MAML2: variants seen among roughly 807,000 people sequenced by gnomAD.
The protein encoded by MAML2 is mastermind like transcriptional coactivator 2, also known as mastermind-like protein 2.
Under a neutral mutation model 96.1 loss-of-function variants are expected in MAML2, and 22 were observed. That is an observed-to-expected ratio of 0.23 (90% confidence interval 0.16 to 0.33). The LOEUF (loss-of-function observed/expected upper bound fraction) is 0.33, where lower values mean the gene tolerates loss of function less well. MAML2 is among the 10% of genes least tolerant of loss of function. The pLI, the probability that MAML2 is intolerant of heterozygous loss-of-function variation, is 1.00. For missense variants in MAML2, 1,367 were observed against 1,392.4 expected, an observed-to-expected ratio of 0.98 and a Z score of 0.29; for synonymous variants, 561 against 521.3, an observed-to-expected ratio of 1.08 and a Z score of -1.04.
intron 1 of MAML2, among the ~76,000 whole-genome samples, chr11:96,241,023 C>T (rs992597898): frequency 6.6e-6 from 1 of 152,154 alleles, no homozygotes; most frequent in African/African-American, 2.4e-5. Context: ...ATTTCTTCTG[C>T]TATTTTTCCA....
At chr11:96,309,713 T>C (rs1863511303) in intron 1 of MAML2, among the ~76,000 whole-genome samples, 2 of 150,210 alleles carry the variant, frequency 1.3e-5, no homozygotes, top group Admixed American at 6.6e-5. Flanking sequence ...TTTTTTTTTT[T>C]CTGAGACAGG....
intron 2 of MAML2, among the ~76,000 whole-genome samples, chr11:96,025,053 T>C (rs1024061570): frequency 1.3e-5 from 2 of 152,162 alleles, no homozygotes; most frequent in Non-Finnish European, 2.9e-5. Context: ...ACTGTGTATA[T>C]ACCCAAAAGA....
intron 1 of MAML2, among the ~76,000 whole-genome samples, chr11:96,217,251 G>A (rs1277325596): frequency 6.6e-6 from 1 of 152,188 alleles, no homozygotes; most frequent in East Asian, 1.9e-4. Flanking sequence ...TGCAGTGAAG[G>A]AAAGTGAGAA....
Position 96,226,895 on chromosome 11 carries a change from AAAAC to A in MAML2, c.513+114484_513+114487del, listed in dbSNP as rs535129290. Reference sequence around the variant, plus strand: ...TAAATTTGTCAGATAAAATTAGCAGAAAACAAACAAATCAAAACTGCATAAAATA... The same window carrying A: ...TAAATTTGTCAGATAAAATTAGCAGAAAACAAATCAAAACTGCATAAAATA... On this transcript the variant is annotated intron_variant, in intron 1 of 4. Transcript: ENST00000524717. 3.1e-3 allele frequency among the ~76,000 whole-genome samples: 467 copies of A among 152,364 alleles called. 2 individuals carry two copies. The highest frequency in any genetic ancestry group is 9.9e-3 in the African/African-American group (410 of 41,588).
chr11:96,140,667 T>C (rs887847668), intron 1 of MAML2, among the ~76,000 whole-genome samples: 8 of 152,166 alleles, frequency 5.3e-5, no homozygotes, highest in African/African-American at 1.7e-4. Flanking sequence ...ACTCTCTCCA[T>C]CGTTCAGTAG....
intron 1 of MAML2, among the ~76,000 whole-genome samples, chr11:96,202,533 G>A (rs1246207184): frequency 6.6e-6 from 1 of 152,132 alleles, no homozygotes; most frequent in Non-Finnish European, 1.5e-5. Flanking sequence ...TTAGGAGAAT[G>A]AAGGTTAGTA....
chr11:96,150,655 A>C (rs1001927382), intron 1 of MAML2, among the ~76,000 whole-genome samples: 1 of 152,116 alleles, frequency 6.6e-6, no homozygotes, highest in African/African-American at 2.4e-5. Context: ...GTCATTAATG[A>C]GCGACCCATT....
At chr11:96,069,033 T>C (rs990696461) in intron 2 of MAML2, among the ~76,000 whole-genome samples, 28 of 150,982 alleles carry the variant, frequency 1.9e-4, no homozygotes, top group Non-Finnish European at 8.9e-5. Flanking sequence ...GTGATCCTCC[T>C]GTCTCAGCTT....
At chr11:96,179,938 C>T (rs1013338488) in intron 1 of MAML2, among the ~76,000 whole-genome samples, 1 of 152,198 alleles carries the variant, frequency 6.6e-6, no homozygotes, top group African/African-American at 2.4e-5. Context: ...GCCACAAGGG[C>T]TCCAGACAGG....
intron 2 of MAML2, among the ~76,000 whole-genome samples, chr11:96,088,991 A>AAG (rs1468692947): frequency 6.6e-6 from 1 of 152,138 alleles, no homozygotes; most frequent in Non-Finnish European, 1.5e-5. Flanking sequence ...CATCAGGCTA[A>AAG]AGAGCTTCAA....
chr11:96,159,783 G>C (rs76171444), intron 1 of MAML2, among the ~76,000 whole-genome samples: 3,834 of 152,190 alleles, frequency 0.025, 158 homozygotes, highest in African/African-American at 0.087. Flanking sequence ...CTAAAGTACA[G>C]CTTACGCTGC....
At chr11:96,255,972 C>A (rs1862661944) in intron 1 of MAML2, among the ~76,000 whole-genome samples, 1 of 145,600 alleles carries the variant, frequency 6.9e-6, no homozygotes, top group Non-Finnish European at 1.5e-5. Context: ...CTCCCGGGTT[C>A]AAGCGATTCT....
intron 2 of MAML2, among the ~76,000 whole-genome samples, chr11:95,993,475 G>A (rs1857946369): frequency 6.6e-6 from 1 of 152,134 alleles, no homozygotes; most frequent in Non-Finnish European, 1.5e-5. Context: ...GGAGGCTGAG[G>A]CATGAGAATC....
chr11:96,260,795 CAAAA>C (rs113056889), intron 1 of MAML2, among the ~76,000 whole-genome samples: 1 of 137,816 alleles, frequency 7.3e-6, no homozygotes, highest in East Asian at 2.0e-4. Context: ...TATTTGCAGG[CAAAA>C]AAAAAAAAAA....
intron 1 of MAML2, among the ~76,000 whole-genome samples, chr11:96,335,830 C>T (rs1171485606): frequency 6.6e-6 from 1 of 152,134 alleles, no homozygotes; most frequent in Admixed American, 6.5e-5. Context: ...TCCAGCCACA[C>T]TCAGTCAAGC....
In MAML2 at chr11:96,341,650, A is replaced by G; in HGVS notation, c.246T>C (p.His82=). The change falls in exon 1 of 5, where the codon CAT becomes CAC. Residue 82 remains histidine, a synonymous_variant. Transcript: ENST00000524717. ...TGCCAGCTTTCCTTGCCCCCTGGCC[A>G]TGCTGTACAAGGCTCAGGAGCTGCA... The part of the protein sequence containing the change: ...STLQLLSLVQ[H]GQGARKAGKH... 6.4e-7 allele frequency: 1 copy of G among 1,564,546 alleles called. No homozygotes were observed. Among genetic ancestry groups the G allele is most frequent in the Non-Finnish European group, 8.7e-7 (1 of 1,153,730 alleles).
At chr11:96,339,295 G>T (rs1019420735) in intron 1 of MAML2, among the ~76,000 whole-genome samples, 1 of 152,130 alleles carries the variant, frequency 6.6e-6, no homozygotes, top group Non-Finnish European at 1.5e-5. Context: ...GTCGGGAAGG[G>T]CCAGACACCG....
chr11:96,099,809 A>T (rs1003485866), intron 1 of MAML2, among the ~76,000 whole-genome samples: 1 of 152,090 alleles, frequency 6.6e-6, no homozygotes, highest in Non-Finnish European at 1.5e-5. Context: ...AGACATTTTT[A>T]TACATTTTTT....
intron 1 of MAML2, among the ~76,000 whole-genome samples, chr11:96,302,072 A>T (rs960501555): frequency 1.1e-4 from 16 of 152,226 alleles, no homozygotes; most frequent in African/African-American, 3.9e-4. Context: ...AAGCCCTATC[A>T]GTTCTTTCCA....
Sources: allele counts gnomAD v4.1 joint callset (sites outside exome capture counted in the v4.1 genomes callset), GRCh38; gene constraint gnomAD v4.1.1; transcripts MANE v1.5; gene names NCBI Gene and HGNC (gene_info 2026-07-23, HGNC 2026-07-21).